The following KCNH8 variants were observed in gnomAD, a reference collection of about 807,000 sequenced individuals.
KCNH8 encodes the protein potassium voltage-gated channel subfamily H member 8.
A neutral mutation model predicts 103.6 loss-of-function variants in KCNH8; 70 were observed. That is an observed-to-expected ratio of 0.68 (90% confidence interval 0.56 to 0.82). The LOEUF (loss-of-function observed/expected upper bound fraction) is 0.82, where lower values mean the gene tolerates loss of function less well. Among genes scored for constraint, KCNH8 ranks in the 40% least tolerant of loss-of-function variants. The pLI is 0.00. For missense variants in KCNH8, 1,217 were observed against 1,329.9 expected (o/e 0.92, Z 1.32); for synonymous variants, 498 against 489.4 (o/e 1.02, Z -0.23).
At chr3:19,253,573 T>C (rs979666911) in intron 1 of KCNH8, 81 bp from the exon 2 acceptor site, 21 of 1,115,628 alleles carry the variant, frequency 1.9e-5, no homozygotes, top group Non-Finnish European at 2.4e-5. Context: ...TAAACACATA[T>C]GCTGATAATT....
chr3:19,371,420 G>A (rs1321931454), intron 5 of KCNH8, among the ~76,000 whole-genome samples: 3 of 150,906 alleles, frequency 2.0e-5, no homozygotes, highest in African/African-American at 7.3e-5. Context: ...TTTGAGAAGT[G>A]TCTGTTCATG....
At chr3:19,343,689 G>C (rs1444996599) in intron 4 of KCNH8, among the ~76,000 whole-genome samples, 5 of 152,032 alleles carry the variant, frequency 3.3e-5, no homozygotes, top group African/African-American at 1.2e-4. Flanking sequence ...GGATCCTTTG[G>C]CATTTCATTT....
At chr3:19,528,118 G>A in intron 15 of KCNH8, among the ~76,000 whole-genome samples, 1 of 151,912 alleles carries the variant, frequency 6.6e-6, no homozygotes, top group East Asian at 1.9e-4. Flanking sequence ...AAGAGGAAGA[G>A]GGGAAAGTGG....
intron 5 of KCNH8, among the ~76,000 whole-genome samples, chr3:19,381,743 T>G (rs1441306705): frequency 6.6e-6 from 1 of 152,116 alleles, no homozygotes; most frequent in Non-Finnish European, 1.5e-5. Flanking sequence ...TGGAGGAATA[T>G]ACAGAGCAAC....
At chr3:19,200,863 A>C (rs1311187471) in intron 1 of KCNH8, among the ~76,000 whole-genome samples, 1 of 152,106 alleles carries the variant, frequency 6.6e-6, no homozygotes, top group African/African-American at 2.4e-5. Flanking sequence ...TATTCTCAGG[A>C]TAAGCATACT....
chr3:19,510,408 C>A lies in KCNH8; in HGVS notation c.2079+7C>A. 1 of 1,541,306 alleles carries A rather than the reference C, an allele frequency of 6.5e-7. No homozygotes were observed. The highest frequency in any genetic ancestry group is 9.0e-7 in the Non-Finnish European group (1 of 1,113,938). On this transcript the variant is annotated splice_region_variant and intron_variant, in intron 12 of 15. Transcript: ENST00000328405. Reference sequence around the variant, plus strand: ...CAAATCTATGGTCTCACAGGTATGGCTTTTGCTACACAGCAAAATATTTAT... The same window carrying A: ...CAAATCTATGGTCTCACAGGTATGGATTTTGCTACACAGCAAAATATTTAT...
At position 19,342,666 on chromosome 3, in the gene KCNH8, C is replaced by A. The variant is rs1375807433; in HGVS notation, c.522C>A (p.Ile174=). The part of the protein sequence containing the change: ...RRRSRAVLYH[I]SGHLQRREKN... Reference sequence around the variant, plus strand: ...GGAGTCGAGCAGTCCTTTATCACATCTCTGGGCACCTGCAAAGAAGAGAAA... The same window carrying A: ...GGAGTCGAGCAGTCCTTTATCACATATCTGGGCACCTGCAAAGAAGAGAAA... The change falls in exon 4 of 16, where the codon ATC becomes ATA. Residue 174 remains isoleucine, a synonymous_variant. Transcript: ENST00000328405. The A allele has an allele frequency of 6.2e-7, 1 of 1,610,854 alleles. No homozygotes were observed. Among genetic ancestry groups the A allele is most frequent in the South Asian group, 1.1e-5 (1 of 91,016 alleles).
intron 7 of KCNH8, among the ~76,000 whole-genome samples, chr3:19,417,259 G>T (rs905375019): frequency 6.7e-6 from 1 of 149,922 alleles, no homozygotes; most frequent in African/African-American, 2.4e-5. Context: ...GTATTTATAG[G>T]TATTTATATC....
chr3:19,215,650 T>C (rs2063811088), intron 1 of KCNH8, among the ~76,000 whole-genome samples: 1 of 152,240 alleles, frequency 6.6e-6, no homozygotes, highest in African/African-American at 2.4e-5. Flanking sequence ...CAATGCTACT[T>C]ACTAGAGTAT....
At chr3:19,181,311 C>T (rs1385596453) in intron 1 of KCNH8, among the ~76,000 whole-genome samples, 1 of 151,806 alleles carries the variant, frequency 6.6e-6, no homozygotes, top group Non-Finnish European at 1.5e-5. Flanking sequence ...TTTCATTTCA[C>T]TCCAGAAGTT....
chr3:19,486,060 GCTT>G lies in KCNH8; in HGVS notation c.2041-24301_2041-24299del, dbSNP rs886669060. 3.2e-4 allele frequency among the ~76,000 whole-genome samples: 49 copies of G among 152,214 alleles called. 1 individual carries two copies. The highest frequency in any genetic ancestry group is 1.3e-4 in the Non-Finnish European group (9 of 68,042). On this transcript the variant is annotated intron_variant, in intron 11 of 15. Transcript: ENST00000328405. Reference sequence around the variant, plus strand: ...TGAAGTGCCCTGTGGCAATGGTTTGGCTTCAATGACAGCATCCAAAGTTACCAC... The same window carrying G: ...TGAAGTGCCCTGTGGCAATGGTTTGGCAATGACAGCATCCAAAGTTACCAC...
chr3:19,182,576 C>T (rs1240803851), intron 1 of KCNH8, among the ~76,000 whole-genome samples: 1 of 152,146 alleles, frequency 6.6e-6, no homozygotes, highest in African/African-American at 2.4e-5. Flanking sequence ...ATCAAGCTTT[C>T]AGCTTTTTTT....
chr3:19,385,843 A>G (rs908597900), intron 5 of KCNH8, among the ~76,000 whole-genome samples: 3 of 152,164 alleles, frequency 2.0e-5, no homozygotes, highest in Admixed American at 2.0e-4. Context: ...GTTTAATTAA[A>G]TATCTCTCCG....
At chr3:19,441,269 C>T (rs1385644535) in intron 8 of KCNH8, among the ~76,000 whole-genome samples, 1 of 152,192 alleles carries the variant, frequency 6.6e-6, no homozygotes, top group Non-Finnish European at 1.5e-5. Context: ...AACTGCACTT[C>T]TTCCCTTTGT....
At position 19,533,738 on chromosome 3, in the gene KCNH8, C is replaced by G. The variant is rs756330171; in HGVS notation, c.2963C>G (p.Ser988Cys). ...CCTGCAGACAGTGAACTTTATCATT[C>G]TCCAAGCCTTGATTATTCACCTTCC... ...QNPADSELYH[S>C]PSLDYSPSHY... Residue 988 changes from serine to cysteine, a missense_variant, in exon 16 of 16, where the codon TCT (serine) becomes TGT (cysteine). Ser to Cys is a moderately radical substitution (Grantham distance 112, BLOSUM62 -1). Around this residue, in one of 3 missense-constraint regions of KCNH8, gnomAD observed 558 missense variants for 495.8 expected, o/e 1.13. Transcript: ENST00000328405. The G allele has an allele frequency of 9.9e-6, 16 of 1,614,190 alleles. No individual in the cohort carries two copies. In the Admixed American group the frequency reaches 2.7e-4, roughly 27 times the overall value.
At chr3:19,503,114 A>T (rs1261405273) in intron 11 of KCNH8, among the ~76,000 whole-genome samples, 1 of 151,146 alleles carries the variant, frequency 6.6e-6, no homozygotes, top group Non-Finnish European at 1.5e-5. Context: ...AAAAGTGGGC[A>T]AAGGACATGA....
chr3:19,323,519 G>T (rs1402708437), intron 3 of KCNH8, among the ~76,000 whole-genome samples: 1 of 152,164 alleles, frequency 6.6e-6, no homozygotes, highest in South Asian at 2.1e-4. Flanking sequence ...CAGAGGTTTT[G>T]TCTTGGTTTG....
rs557376096 is a variant in KCNH8, at chr3:19,286,183, C to T, written c.442+4854C>T. ...GGAAAACGAGATCTTTTGGGACCCT[C>T]TTTCTGGTTTAAGGGCTGTTATGAA... is the stretch of plus-strand genomic sequence containing the variant. On this transcript the variant is annotated intron_variant, in intron 3 of 15. Transcript: ENST00000328405. Among the ~76,000 whole-genome samples the T allele has an allele frequency of 4.6e-5, 7 of 152,284 alleles. No homozygotes were observed. In the East Asian group the frequency reaches 1.4e-3, roughly 29 times the overall value.
intron 2 of KCNH8, among the ~76,000 whole-genome samples, chr3:19,273,465 G>A (rs768987169): frequency 3.9e-5 from 6 of 152,094 alleles, no homozygotes; most frequent in Non-Finnish European, 8.8e-5. Flanking sequence ...TCATTGAAAA[G>A]ATAGAGCCAT....
Sources: allele counts gnomAD v4.1 joint callset (sites outside exome capture counted in the v4.1 genomes callset), GRCh38; gene constraint gnomAD v4.1.1; regional missense constraint gnomAD v4.1.1; transcripts MANE v1.5; gene names NCBI Gene and HGNC (gene_info 2026-07-23, HGNC 2026-07-21).